IGSF21: variants seen among roughly 807,000 people sequenced by gnomAD.
IGSF21 encodes immunoglobulin superfamily member 21.
IGSF21 carries 28 observed loss-of-function variants against 46.8 expected under a neutral mutation model. That is an observed-to-expected ratio of 0.60 (90% confidence interval 0.44 to 0.82). The LOEUF is 0.82. IGSF21 is among the 40% of genes least tolerant of loss of function. The pLI is 0.00. For missense variants in IGSF21, 624 were observed against 665.5 expected, an observed-to-expected ratio of 0.94 and a Z score of 0.69; for synonymous variants, 284 against 273.6, an observed-to-expected ratio of 1.04 and a Z score of -0.38.
At chr1:18,315,019 G>C (rs1439304528) in intron 3 of IGSF21, among the ~76,000 whole-genome samples, 2 of 152,130 alleles carry the variant, frequency 1.3e-5, no homozygotes, top group Admixed American at 6.5e-5. Flanking sequence ...GTTGATAAGA[G>C]GACAGCATCC....
At chr1:18,230,087 T>G (rs2084607836) in intron 2 of IGSF21, among the ~76,000 whole-genome samples, 1 of 152,208 alleles carries the variant, frequency 6.6e-6, no homozygotes, top group Admixed American at 6.5e-5. Context: ...ATAGTCACAG[T>G]GGTGAAAATC....
intron 1 of IGSF21, among the ~76,000 whole-genome samples, chr1:18,121,619 C>T (rs1382111465): frequency 6.6e-6 from 1 of 152,184 alleles, no homozygotes; most frequent in Non-Finnish European, 1.5e-5. Flanking sequence ...CCTGCCCTCG[C>T]CGACATGCCA....
intron 3 of IGSF21, among the ~76,000 whole-genome samples, chr1:18,315,880 AGTGGATGGATGGATGG>A (rs2085538276): frequency 8.5e-6 from 1 of 117,184 alleles, no homozygotes; most frequent in African/African-American, 3.3e-5. Context: ...ATGAGAAGTG[AGTGGATGGATGGATGG>A]GTGGATGGAT....
chr1:18,121,491 G>A (rs1162110434), intron 1 of IGSF21, among the ~76,000 whole-genome samples: 3 of 152,076 alleles, frequency 2.0e-5, no homozygotes, highest in Admixed American at 6.5e-5. Context: ...AATTTTGTCC[G>A]TTGAAATTCA....
intron 1 of IGSF21, among the ~76,000 whole-genome samples, chr1:18,126,706 C>T (rs9660950): frequency 0.11 from 17,042 of 152,078 alleles, 1,147 homozygotes; most frequent in African/African-American, 0.18. Context: ...CTGAATTAAA[C>T]GAAATATTTT....
rs1437642597 is a variant in IGSF21 at position 18,108,138 on chromosome 1, G to T, written c.10G>T (p.Ala4Ser). The T allele has an allele frequency of 7.0e-7, 1 of 1,430,570 alleles. No individual in the cohort carries two copies. The highest frequency in any genetic ancestry group is 9.2e-7 in the Non-Finnish European group (1 of 1,091,202). The allele number at this position is 1,430,570 out of a possible 1,614,324, so 88.6% of individuals were successfully genotyped here. ...CCAGCTCCCGGGCACCATGCGAACC[G>T]CCCCGAGCCTCCGCCGCTGCGTCTG... The part of the protein sequence containing the change: MRT[A>S]PSLRRCVCLL... The change falls in exon 1 of 10, where the codon GCC becomes TCC. Residue 4 changes from alanine to serine, a missense_variant. Transcript: ENST00000251296.
At chr1:18,231,577 G>A (rs1375516219) in intron 2 of IGSF21, among the ~76,000 whole-genome samples, 3 of 152,156 alleles carry the variant, frequency 2.0e-5, no homozygotes. Context: ...CAATATGGTA[G>A]CCACCAGTCA....
At chr1:18,327,425 T>C (rs484128) in intron 3 of IGSF21, among the ~76,000 whole-genome samples, 1 of 152,030 alleles carries the variant, frequency 6.6e-6, no homozygotes, top group Admixed American at 6.5e-5. Context: ...CTCCCTGGGC[T>C]AACAGAGACG....
At chr1:18,178,154 C>T (rs1401229201) in intron 1 of IGSF21, among the ~76,000 whole-genome samples, 1 of 152,124 alleles carries the variant, frequency 6.6e-6, no homozygotes, top group Non-Finnish European at 1.5e-5. Context: ...GTGTCAGACA[C>T]TGTGACAACA....
intron 2 of IGSF21, among the ~76,000 whole-genome samples, chr1:18,237,367 G>A (rs1307527003): frequency 2.0e-5 from 3 of 152,158 alleles, no homozygotes; most frequent in Non-Finnish European, 4.4e-5. Flanking sequence ...CTCGAGGGGA[G>A]CGCTTCCCGT....
chr1:18,234,125 T>G (rs1029658632), intron 2 of IGSF21, among the ~76,000 whole-genome samples: 4 of 152,118 alleles, frequency 2.6e-5, no homozygotes, highest in African/African-American at 7.2e-5. Flanking sequence ...TGGCAGCCAC[T>G]CATCCTGGCT....
At chr1:18,264,549 T>C (rs1256218703) in intron 2 of IGSF21, among the ~76,000 whole-genome samples, 2 of 152,182 alleles carry the variant, frequency 1.3e-5, no homozygotes, top group African/African-American at 2.4e-5. Context: ...GGGATTATTA[T>C]GCTAGAATCT....
chr1:18,321,925 G>T (rs2085605267), intron 3 of IGSF21, among the ~76,000 whole-genome samples: 1 of 152,132 alleles, frequency 6.6e-6, no homozygotes, highest in Non-Finnish European at 1.5e-5. Context: ...CCTCTGTGAG[G>T]GCCGGGTGAC....
chr1:18,112,770 G>A (rs558201082), intron 1 of IGSF21: 4 of 152,416 alleles, frequency 2.6e-5, no homozygotes, highest in Admixed American at 2.0e-4. Flanking sequence ...TGCACAGATG[G>A]GAGAGGGAGT....
Position 18,247,391 on chromosome 1 carries a change from C to A in IGSF21, c.183+19381C>A, listed in dbSNP as rs2084796046. Among the ~76,000 whole-genome samples, 5 of 152,280 alleles carry A rather than the reference C, an allele frequency of 3.3e-5. No individual in the cohort carries two copies. The South Asian group carries it at 1.0e-3, about 32-fold the overall frequency. On this transcript the variant is annotated intron_variant, in intron 2 of 9. Coordinates refer to ENST00000251296, the MANE Select transcript of IGSF21 (RefSeq NM_032880.5). ...GCCTGGGACCTGCTGCCAGCCTCAT[C>A]CACCACGTGTCTTTGTTGCCCTGGG...
intron 1 of IGSF21, among the ~76,000 whole-genome samples, chr1:18,172,652 AG>A (rs1262404629): frequency 6.6e-6 from 1 of 152,216 alleles, no homozygotes; most frequent in Non-Finnish European, 1.5e-5. Flanking sequence ...CCCCACCCTT[AG>A]GACCTCATTT....
chr1:18,151,990 C>G (rs2086525616), intron 1 of IGSF21, among the ~76,000 whole-genome samples: 1 of 152,146 alleles, frequency 6.6e-6, no homozygotes, highest in Non-Finnish European at 1.5e-5. Flanking sequence ...TCTGCATCCT[C>G]TCAGCCTGCT....
rs779984011 is a variant in IGSF21, at chr1:18,376,859, C to T, written c.1161C>T (p.Asp387=). 3.0e-5 allele frequency: 49 copies of T among 1,611,666 alleles called. 1 individual carries two copies. The highest frequency in any genetic ancestry group is 9.3e-5 in the African/African-American group (7 of 74,890). Residue 387 remains aspartate (D), a synonymous_variant, in exon 8 of 10, where the codon GAC becomes GAT. Coordinates refer to ENST00000251296, the MANE Select transcript of IGSF21 (RefSeq NM_032880.5). ...CGCGGGTTGGGAGCCGCCTCCTGGA[C>T]GGCAGCGCTGAGTTCGACGGGAAGG... is the stretch of plus-strand genomic sequence containing the variant. ...TWTRVGSRLL[D]GSAEFDGKEL...
intron 4 of IGSF21, among the ~76,000 whole-genome samples, chr1:18,359,487 G>T (rs562364629): frequency 3.8e-5 from 5 of 130,648 alleles, no homozygotes; most frequent in Admixed American, 3.0e-4. Context: ...AAGGAAGGAA[G>T]GAAGGAAGGA....
Sources: gnomAD v4.1 joint callset for allele counts (sites outside exome capture counted in the v4.1 genomes callset) on GRCh38, gnomAD v4.1.1 for gene constraint, MANE v1.5 for transcripts, NCBI Gene and HGNC (gene_info 2026-07-23, HGNC 2026-07-21) for gene names.